Variants in SGCD observed in about 807,000 individuals in gnomAD.
SGCD encodes sarcoglycan delta.
A neutral mutation model predicts 36.6 loss-of-function variants in SGCD; 18 were observed. That is an observed-to-expected ratio of 0.49 (90% confidence interval 0.34 to 0.73). The LOEUF (loss-of-function observed/expected upper bound fraction) is 0.73, where lower values mean the gene tolerates loss of function less well. Among genes scored for constraint, SGCD ranks in the 30% least tolerant of loss-of-function variants. SGCD has a pLI of 0.01. For missense variants in SGCD, 387 were observed against 346.7 expected (o/e 1.12, Z -0.92); for synonymous variants, 133 against 130.6 (o/e 1.02, Z -0.12).
Position 156,759,383 on chromosome 5 carries a change from GCCTCTGA to G in SGCD, c.867_873del (p.Cys289Ter). The G allele has an allele frequency of 4.4e-6, 7 of 1,606,290 alleles. No individual in the cohort carries two copies. The highest frequency in any genetic ancestry group is 6.0e-6 in the Non-Finnish European group (7 of 1,174,228). ...ACTTGTCAGATAAACACAAGTGTCT[GCCTCTGA>G]AAGACTATCCATAGTGGACATTGTT... is the stretch of plus-strand genomic sequence containing the variant. On this transcript the variant is annotated frameshift_variant and stop_lost, in exon 9 of 9. Coordinates refer to ENST00000337851, the MANE Select transcript of SGCD (RefSeq NM_000337.6). LOFTEE classifies it high-confidence loss of function.
intron 2 of SGCD, 122 bp from the exon 3 acceptor site, chr5:156,344,367 G>A: frequency 7.8e-6 from 5 of 637,728 alleles, no homozygotes; most frequent in South Asian, 2.4e-5. Flanking sequence ...GTTGTCAGAG[G>A]GTATAAAAGT....
intron 1 of SGCD, among the ~76,000 whole-genome samples, chr5:155,957,082 G>T (rs1391237340): frequency 6.7e-6 from 1 of 149,262 alleles, no homozygotes; most frequent in East Asian, 2.0e-4. Context: ...ATGCGGTTTT[G>T]AATAAGGTGC....
intron 7 of SGCD, among the ~76,000 whole-genome samples, chr5:156,699,812 A>C (rs1754460633): frequency 6.6e-6 from 1 of 152,160 alleles, no homozygotes; most frequent in Non-Finnish European, 1.5e-5. Context: ...TAGAGGAGAG[A>C]GCTCTTGAGA....
chr5:156,138,334 G>A (rs1373705027), intron 3 of SGCD, among the ~76,000 whole-genome samples: 1 of 152,226 alleles, frequency 6.6e-6, no homozygotes, highest in African/African-American at 2.4e-5. Context: ...CCAGGAGGCA[G>A]AGGTTGCGGT....
intron 1 of SGCD, among the ~76,000 whole-genome samples, chr5:155,950,985 C>T (rs1757536969): frequency 6.6e-6 from 1 of 152,124 alleles, no homozygotes; most frequent in South Asian, 2.1e-4. Flanking sequence ...CTGCTCACTT[C>T]TCCCAAACAC....
At position 156,129,601 on chromosome 5, in the gene SGCD, T is replaced by C. The variant is rs555627842; in HGVS notation, c.-44+5582T>C. Among the ~76,000 whole-genome samples the C allele has an allele frequency of 2.0e-5, 3 of 152,322 alleles. No homozygotes were observed. The East Asian group carries it at 5.8e-4, about 29-fold the overall frequency. ...TTCATCACCCAGGTATTAAGCCTAG[T>C]ACCCTATAGTTATTTTTTTCTGCTC... On this transcript the variant is annotated intron_variant, in intron 3 of 9. Transcript: ENST00000517913.
intron 3 of SGCD, among the ~76,000 whole-genome samples, chr5:156,226,939 G>A (rs1764874305): frequency 1.3e-5 from 2 of 151,864 alleles, no homozygotes; most frequent in African/African-American, 2.4e-5. Context: ...ACTTTTTGAT[G>A]AGATTGTTTC....
At chr5:156,386,000 C>A (rs1017763125) in intron 3 of SGCD, among the ~76,000 whole-genome samples, 1 of 152,194 alleles carries the variant, frequency 6.6e-6, no homozygotes, top group Non-Finnish European at 1.5e-5. Context: ...AGAGTGAACT[C>A]TGAATCCTCA....
chr5:156,581,264 A>G (rs972424127), intron 4 of SGCD, among the ~76,000 whole-genome samples: 4 of 152,114 alleles, frequency 2.6e-5, no homozygotes, highest in African/African-American at 7.2e-5. Flanking sequence ...AACAGCAAAT[A>G]TTGCTGCCTG....
chr5:155,748,572 A>C, the SGCD span, among the ~76,000 whole-genome samples: 1 of 152,128 alleles, frequency 6.6e-6, no homozygotes, highest in Non-Finnish European at 1.5e-5. Flanking sequence ...CAGAGTTTTG[A>C]TTTACATTAC....
the SGCD span, among the ~76,000 whole-genome samples, chr5:155,806,020 C>T: frequency 1.8e-4 from 27 of 152,282 alleles, no homozygotes; most frequent in East Asian, 4.4e-3. Flanking sequence ...TAGCCAGTAG[C>T]ATTTAAATGA....
intron 3 of SGCD, among the ~76,000 whole-genome samples, chr5:156,312,847 A>T (rs1269246959): frequency 6.6e-6 from 1 of 152,128 alleles, no homozygotes; most frequent in Non-Finnish European, 1.5e-5. Flanking sequence ...TACTCACTGC[A>T]CTCACTTAAC....
At chr5:156,505,092 C>G (rs987976664) in intron 3 of SGCD, among the ~76,000 whole-genome samples, 5 of 152,296 alleles carry the variant, frequency 3.3e-5, no homozygotes. Flanking sequence ...CAGAAATGAT[C>G]ACTAATAATG....
intron 3 of SGCD, among the ~76,000 whole-genome samples, chr5:156,482,693 G>C (rs1755484906): frequency 6.6e-6 from 1 of 151,390 alleles, no homozygotes; most frequent in Admixed American, 6.6e-5. Flanking sequence ...GAAGTATCAA[G>C]AGCTAAAAAG....
intron 3 of SGCD, among the ~76,000 whole-genome samples, chr5:156,307,695 G>C (rs1025452008): frequency 6.7e-6 from 1 of 149,908 alleles, no homozygotes; most frequent in Admixed American, 6.6e-5. Context: ...TTTGTTTATA[G>C]TTACCATGGG....
At chr5:155,756,314 G>GA in the SGCD span, among the ~76,000 whole-genome samples, 2 of 152,210 alleles carry the variant, frequency 1.3e-5, no homozygotes, top group South Asian at 4.1e-4. Flanking sequence ...TTTCACATGT[G>GA]AAAATTAGTT....
In SGCD at chr5:155,960,678, C is replaced by A. The variant is rs183747579; in HGVS notation, c.-282+90254C>A. 3.3e-5 allele frequency among the ~76,000 whole-genome samples: 5 copies of A among 152,192 alleles called. No homozygotes were observed. In the East Asian group the frequency reaches 9.7e-4, roughly 30 times the overall value. On this transcript the variant is annotated intron_variant, in intron 1 of 9. Transcript: ENST00000517913. Reference sequence around the variant, plus strand: ...CTGAAAGCCTAACATTTTAGAAGCACCTTCTTCCTTGGTTGTTTCACAGAT... The same window carrying A: ...CTGAAAGCCTAACATTTTAGAAGCAACTTCTTCCTTGGTTGTTTCACAGAT...
At position 156,276,964 on chromosome 5, in the gene SGCD, T is replaced by A. The variant is rs573076440; in HGVS notation, c.-43-52570T>A. Among the ~76,000 whole-genome samples, 3 of 152,324 alleles carry A rather than the reference T, an allele frequency of 2.0e-5. No homozygotes were observed. In the East Asian group the frequency reaches 5.8e-4, roughly 29 times the overall value. On this transcript the variant is annotated intron_variant, in intron 3 of 9. Coordinates refer to the SGCD transcript ENST00000517913. ...CCTTGTGGCTGCATCTTTGCTTTCATGTGCAAATGTGTTACTGTGAAAGAA... is the reference window on the plus strand; with the variant it reads ...CCTTGTGGCTGCATCTTTGCTTTCAAGTGCAAATGTGTTACTGTGAAAGAA...
At chr5:156,185,676 A>C (rs1163079409) in intron 3 of SGCD, among the ~76,000 whole-genome samples, 4 of 151,544 alleles carry the variant, frequency 2.6e-5, no homozygotes, top group Non-Finnish European at 5.9e-5. Flanking sequence ...TTCCCCAAGG[A>C]AACCTTGCCA....
Sources: allele counts gnomAD v4.1 joint callset (sites outside exome capture counted in the v4.1 genomes callset), GRCh38; gene constraint gnomAD v4.1.1; transcripts MANE v1.5; gene names NCBI Gene and HGNC (gene_info 2026-07-23, HGNC 2026-07-21).